ZNF483: variants seen among roughly 807,000 people sequenced by gnomAD.
ZNF483 encodes the protein zinc finger protein 483, also known as zinc finger protein HIT-10.
ZNF483 carries 9 observed loss-of-function variants against 28.6 expected under a neutral mutation model. The observed-to-expected ratio is 0.32, with a 90% CI of 0.19 to 0.55. The LOEUF (loss-of-function observed/expected upper bound fraction) is 0.55. Among genes scored for constraint, ZNF483 ranks in the 20% least tolerant of loss-of-function variants. The pLI is 0.93. For missense variants in ZNF483, 675 were observed against 871.7 expected (o/e 0.77, Z 2.84); for synonymous variants, 322 against 306.2 (o/e 1.05, Z -0.54).
chr9:111,566,962 G>A (rs112506305), intron 5 of ZNF483, among the ~76,000 whole-genome samples: 2,532 of 152,102 alleles, frequency 0.017, 77 homozygotes, highest in African/African-American at 0.057. Context: ...GGTGGCACAT[G>A]ACTGTTGTCC....
At position 111,570,525 on chromosome 9, in the gene ZNF483, T is replaced by A. The variant is rs567434140; in HGVS notation, c.722-5840T>A. Among the ~76,000 whole-genome samples the A allele has an allele frequency of 5.3e-5, 8 of 151,866 alleles. No homozygotes were observed. In the South Asian group the frequency reaches 1.7e-3, roughly 32 times the overall value. ...GTGGCTCACACCTGTAATCCCAGCA[T>A]TTTGGGAGGCCAAGGCGGGCAGATC... On this transcript the variant is annotated intron_variant, in intron 5 of 5. Transcript: ENST00000358151.
rs1829060439 is a variant in ZNF483 at position 111,576,481 on chromosome 9, G to A, written c.*67G>A. The stretch of plus-strand genomic sequence containing the variant: ...GACCAGAGGATGGGGCCACTGCAGT[G>A]CAGTTCAAGAGGCTCTGGTTCGGGG... On this transcript the variant is annotated 3_prime_UTR_variant, in exon 6 of 6. Transcript: ENST00000358151. 3 of 1,606,374 alleles carry A rather than the reference G, an allele frequency of 1.9e-6. No homozygotes were observed. The Admixed American group carries it at 5.0e-5, about 27-fold the overall frequency.
At chr9:111,562,414 T>TA (rs1828355169) in intron 5 of ZNF483, among the ~76,000 whole-genome samples, 1 of 151,932 alleles carries the variant, frequency 6.6e-6, no homozygotes, top group Non-Finnish European at 1.5e-5. Context: ...AGGCTGGGAT[T>TA]ACAGGCATGT....
intron 5 of ZNF483, among the ~76,000 whole-genome samples, chr9:111,573,168 T>C (rs1828903214): frequency 6.6e-6 from 1 of 152,200 alleles, no homozygotes; most frequent in South Asian, 2.1e-4. Flanking sequence ...TCCAAAATAT[T>C]TGGCTATTCC....
chr9:111,537,869 T>A (rs766015409), intron 5 of ZNF483, among the ~76,000 whole-genome samples: 2 of 152,014 alleles, frequency 1.3e-5, no homozygotes, highest in Non-Finnish European at 2.9e-5. Flanking sequence ...TCAAACAAAC[T>A]GTTTGCCTTG....
In ZNF483 at chr9:111,551,527, C is replaced by G. The variant is rs1564603054; in HGVS notation, c.*8357C>G. ...GGTTCCAGCAATTCTCCTGCTTCAG[C>G]CTCCCCAGTAGCTGAGATTACTGGT... On this transcript the variant is annotated 3_prime_UTR_variant, in exon 6 of 6. Transcript: ENST00000309235. 6.6e-6 allele frequency among the ~76,000 whole-genome samples: 1 copy of G among 150,484 alleles called. No homozygotes were observed. The highest frequency in any genetic ancestry group is 1.5e-5 in the Non-Finnish European group (1 of 67,864).
At chr9:111,571,726 A>T (rs994356509) in intron 5 of ZNF483, among the ~76,000 whole-genome samples, 2 of 151,856 alleles carry the variant, frequency 1.3e-5, no homozygotes, top group Admixed American at 6.6e-5. Context: ...TCTGGTTTGA[A>T]ACTCCTGGGC....
intron 5 of ZNF483, among the ~76,000 whole-genome samples, chr9:111,564,422 C>G (rs1048558124): frequency 6.6e-6 from 1 of 151,834 alleles, no homozygotes; most frequent in African/African-American, 2.4e-5. Context: ...CCTTCTGCCT[C>G]AGCCTCCTGA....
At chr9:111,534,718 C>CTTT (rs67740162) in intron 5 of ZNF483, among the ~76,000 whole-genome samples, 9,337 of 88,090 alleles carry the variant, frequency 0.11, 862 homozygotes, top group East Asian at 0.2. Flanking sequence ...GTCGTTCTAT[C>CTTT]TTTTTTTTTT....
intron 4 of ZNF483, 116 bp from the exon 5 acceptor site, chr9:111,534,145 G>T: frequency 1.1e-6 from 1 of 906,868 alleles, no homozygotes; most frequent in South Asian, 1.6e-5. Flanking sequence ...ATTTATGTCT[G>T]TGTATTTTGG....
At chr9:111,570,103 T>C (rs1031963626) in intron 5 of ZNF483, 1 of 1,614,108 alleles carries the variant, frequency 6.2e-7, no homozygotes, top group African/African-American at 1.3e-5. Context: ...CTAAGACCCA[T>C]TTCAGCAAGT....
At chr9:111,564,230 T>G in intron 5 of ZNF483, 5 of 1,076,274 alleles carry the variant, frequency 4.6e-6, no homozygotes, top group Non-Finnish European at 5.8e-6. Flanking sequence ...CAAGATTATT[T>G]GCTTGAAGTC....
At chr9:111,529,614 TTTAAA>T (rs1200058047) in intron 2 of ZNF483, among the ~76,000 whole-genome samples, 1 of 152,264 alleles carries the variant, frequency 6.6e-6, no homozygotes, top group East Asian at 1.9e-4. Flanking sequence ...TACTACATCT[TTTAAA>T]TTAGGATACT....
rs1392249082 is a variant in ZNF483 at position 111,546,939 on chromosome 9, T to TAG, written c.*3769_*3770insAG. Among the ~76,000 whole-genome samples the TAG allele has an allele frequency of 9.2e-5, 14 of 152,210 alleles. No homozygotes were observed. The highest frequency in any genetic ancestry group is 3.1e-4 in the African/African-American group (13 of 41,472). ...TTGGTATGAATGGAATCATACAATATTTGCCCTGTTGTGTTTGGCTTATTC... is the reference window on the plus strand; with the variant it reads ...TTGGTATGAATGGAATCATACAATATAGTTGCCCTGTTGTGTTTGGCTTATTC... On this transcript the variant is annotated 3_prime_UTR_variant, in exon 6 of 6. Transcript: ENST00000309235.
chr9:111,567,933 C>T (rs533373282), intron 5 of ZNF483, among the ~76,000 whole-genome samples: 12 of 152,270 alleles, frequency 7.9e-5, no homozygotes, highest in South Asian at 6.2e-4. Context: ...TAATTTCTTA[C>T]GCCTGTCTTA....
chr9:111,525,714 G>A (rs1827170156), intron 1 of ZNF483, among the ~76,000 whole-genome samples: 1 of 151,924 alleles, frequency 6.6e-6, no homozygotes, highest in African/African-American at 2.4e-5. Flanking sequence ...ATTTTCACCG[G>A]GCCTCCTATG....
intron 3 of ZNF483, 74 bp from the exon 4 acceptor site, chr9:111,533,665 C>T: frequency 2.8e-6 from 4 of 1,438,950 alleles, no homozygotes; most frequent in Non-Finnish European, 3.7e-6. Flanking sequence ...CCATAATAGC[C>T]TGTCTCAAAA....
chr9:111,561,890 TTTG>T (rs1359829244), intron 5 of ZNF483, among the ~76,000 whole-genome samples: 1 of 152,208 alleles, frequency 6.6e-6, no homozygotes, highest in Non-Finnish European at 1.5e-5. Flanking sequence ...TTTGTTTTGT[TTTG>T]TTTTTTTCTG....
rs965646308 is a variant in ZNF483, at chr9:111,551,298, C to T, written c.*8128C>T. On this transcript the variant is annotated 3_prime_UTR_variant, in exon 6 of 6. Transcript: ENST00000309235. ...ATAACTCACATTTAGATTTATAAAACGTAGAGTTGATAAGTAGATTCACAT... is the reference window on the plus strand; with the variant it reads ...ATAACTCACATTTAGATTTATAAAATGTAGAGTTGATAAGTAGATTCACAT... Among the ~76,000 whole-genome samples the T allele has an allele frequency of 4.0e-5, 6 of 151,038 alleles. No individual in the cohort carries two copies. The highest frequency in any genetic ancestry group is 2.9e-5 in the Non-Finnish European group (2 of 67,882).
Sources: allele counts gnomAD v4.1 joint callset (sites outside exome capture counted in the v4.1 genomes callset), GRCh38; gene constraint gnomAD v4.1.1; transcripts MANE v1.5; gene names NCBI Gene and HGNC (gene_info 2026-07-23, HGNC 2026-07-21).